The following CAMTA1 variants were observed in gnomAD, a reference collection of about 807,000 sequenced individuals.
CAMTA1 encodes calmodulin binding transcription activator 1.
CAMTA1 carries 27 observed loss-of-function variants against 170.9 expected under a neutral mutation model. The ratio of observed to expected loss-of-function variants is 0.16; its 90% CI spans 0.12 to 0.22. The LOEUF (loss-of-function observed/expected upper bound fraction) is 0.22, where lower values mean the gene tolerates loss of function less well. CAMTA1 is among the 10% of genes least tolerant of loss of function. The pLI is 1.00. For synonymous variants in CAMTA1, 833 were observed against 891.5 expected (o/e 0.93, Z 1.17); for missense variants, 1,619 against 2,217.2 (o/e 0.73, Z 5.42).
intron 6 of CAMTA1, among the ~76,000 whole-genome samples, chr1:7,478,849 C>T (rs1419641867): frequency 6.6e-6 from 1 of 152,210 alleles, no homozygotes; most frequent in Non-Finnish European, 1.5e-5. Flanking sequence ...ATGTAATCTT[C>T]AGCTGACATT....
intron 5 of CAMTA1, among the ~76,000 whole-genome samples, chr1:7,363,417 G>A (rs1396960183): frequency 1.3e-5 from 2 of 152,080 alleles, no homozygotes; most frequent in Admixed American, 6.6e-5. Context: ...CTCGGAGGTT[G>A]TTAATAAATA....
rs2095758160 is a variant in CAMTA1, at chr1:7,641,223, G to A, written c.664+670G>A. ...CTTCTCCTGCCCCCTGTTCAGCGGG[G>A]CTCGGGAAAAACAAACATGGGTCTG... On this transcript the variant is annotated intron_variant, in intron 7 of 22. Transcript: ENST00000303635. This position sits in a 1 kb window ranked among gnomAD's most constrained non-coding sequence, Gnocchi z 4.5. Among the ~76,000 whole-genome samples the A allele has an allele frequency of 6.6e-6, 1 of 152,202 alleles. No individual in the cohort carries two copies. The highest frequency in any genetic ancestry group is 2.1e-4 in the South Asian group (1 of 4,826).
intron 4 of CAMTA1, among the ~76,000 whole-genome samples, chr1:7,213,003 C>T (rs960341927): frequency 1.3e-5 from 2 of 152,088 alleles, no homozygotes; most frequent in Admixed American, 6.5e-5. Context: ...TTTGTTTAGC[C>T]CTTTATACAT....
chr1:7,677,472 C>T, intron 10 of CAMTA1, 127 bp from the exon 11 acceptor site: 1 of 1,097,382 alleles, frequency 9.1e-7, no homozygotes, highest in Non-Finnish European at 1.3e-6. Context: ...GCATAGGCTA[C>T]CATTAAGGAG....
chr1:7,002,268 G>A (rs757942869), intron 3 of CAMTA1, among the ~76,000 whole-genome samples: 2 of 152,082 alleles, frequency 1.3e-5, no homozygotes, highest in Non-Finnish European at 2.9e-5. Context: ...GTTTTGAACC[G>A]AGGTGCAGTG....
intron 6 of CAMTA1, among the ~76,000 whole-genome samples, chr1:7,623,698 A>G (rs2095614272): frequency 6.6e-6 from 1 of 152,210 alleles, no homozygotes; most frequent in South Asian, 2.1e-4. Flanking sequence ...GGATTTCACC[A>G]TGTTGGCCAG....
chr1:7,739,249 A>G (rs2096792977), intron 16 of CAMTA1, among the ~76,000 whole-genome samples: 1 of 152,198 alleles, frequency 6.6e-6, no homozygotes, highest in Admixed American at 6.5e-5. Context: ...CAGGGCACCC[A>G]TGCCTGTAGA....
intron 3 of CAMTA1, among the ~76,000 whole-genome samples, chr1:7,019,947 C>G (rs1364771283): frequency 6.6e-6 from 1 of 152,198 alleles, no homozygotes; most frequent in African/African-American, 2.4e-5. Context: ...GTTTGTGATT[C>G]CAGAAATAAG....
intron 6 of CAMTA1, among the ~76,000 whole-genome samples, chr1:7,503,860 G>A (rs938373211): frequency 9.2e-5 from 14 of 152,156 alleles, no homozygotes; most frequent in Non-Finnish European, 1.3e-4. Context: ...GCATCTGGCC[G>A]GCTCTGAGCC....
rs149061393 is a variant in CAMTA1, at chr1:7,213,761, C to T, written c.303-35730C>T. 2.9e-3 allele frequency among the ~76,000 whole-genome samples: 443 copies of T among 152,150 alleles called. 10 individuals carry two copies. In the East Asian group the frequency reaches 0.056, roughly 19 times the overall value. On this transcript the variant is annotated intron_variant, in intron 4 of 22. Transcript: ENST00000303635. ...CTCCTAATGCTATCCCTCCCCCCTC[C>T]GCCCACCCCACAACAGGCCCCTGTG... is the stretch of plus-strand genomic sequence containing the variant.
intron 5 of CAMTA1, among the ~76,000 whole-genome samples, chr1:7,403,161 T>C (rs1320050479): frequency 6.6e-6 from 1 of 152,098 alleles, no homozygotes; most frequent in Non-Finnish European, 1.5e-5. Context: ...GAGACCAGCC[T>C]GCCCAACATG....
intron 3 of CAMTA1, among the ~76,000 whole-genome samples, chr1:6,884,683 C>T (rs978682414): frequency 4.6e-5 from 7 of 152,162 alleles, no homozygotes; most frequent in Non-Finnish European, 1.0e-4. Flanking sequence ...GAAGCGAGCC[C>T]ATTTTGAGGA....
intron 6 of CAMTA1, among the ~76,000 whole-genome samples, chr1:7,531,109 G>A (rs565368245): frequency 5.2e-4 from 79 of 150,624 alleles, no homozygotes; most frequent in Non-Finnish European, 8.1e-4. Context: ...GAGCCACCGC[G>A]CCTGGCCAGT....
chr1:7,650,174 G>A (rs1218020498), intron 7 of CAMTA1, among the ~76,000 whole-genome samples: 1 of 152,196 alleles, frequency 6.6e-6, no homozygotes, highest in Non-Finnish European at 1.5e-5. Flanking sequence ...AGGCTCTGAC[G>A]CTGCCAGGCG....
At chr1:6,957,242 GGGA>G (rs1236590962) in intron 3 of CAMTA1, among the ~76,000 whole-genome samples, 1 of 152,178 alleles carries the variant, frequency 6.6e-6, no homozygotes, top group Non-Finnish European at 1.5e-5. Context: ...GGCCAGCACT[GGGA>G]CTGGTGATGC....
At chr1:7,449,462 T>A (rs1417116301) in intron 5 of CAMTA1, among the ~76,000 whole-genome samples, 1 of 152,054 alleles carries the variant, frequency 6.6e-6, no homozygotes, top group Non-Finnish European at 1.5e-5. Context: ...AGGGCCTCAG[T>A]TATCTCACCT....
chr1:7,062,189 A>G (rs1197964788), intron 3 of CAMTA1, among the ~76,000 whole-genome samples: 2 of 152,164 alleles, frequency 1.3e-5, no homozygotes, highest in East Asian at 1.9e-4. Context: ...AAGTGCTGGG[A>G]TTACAGACGT....
chr1:7,579,777 C>T (rs1032864010), intron 6 of CAMTA1, among the ~76,000 whole-genome samples: 6 of 152,170 alleles, frequency 3.9e-5, no homozygotes, highest in African/African-American at 1.4e-4. Flanking sequence ...TCAGGCTGGT[C>T]TCGAACTCCT....
At chr1:7,575,379 G>A (rs2095178561) in intron 6 of CAMTA1, among the ~76,000 whole-genome samples, 1 of 152,158 alleles carries the variant, frequency 6.6e-6, no homozygotes, top group Admixed American at 6.5e-5. Context: ...AGGCAGGGAG[G>A]TGGGTCAGAC....
Sources: gnomAD v4.1 joint callset for allele counts (sites outside exome capture counted in the v4.1 genomes callset) on GRCh38, gnomAD v4.1.1 for gene constraint, Gnocchi (gnomAD v3.1) non-coding constraint, MANE v1.5 for transcripts, NCBI Gene and HGNC (gene_info 2026-07-23, HGNC 2026-07-21) for gene names.